The following DDR1 variants were observed in gnomAD, a reference collection of about 807,000 sequenced individuals.
DDR1 encodes the protein epithelial discoidin domain-containing receptor 1.
DDR1 carries 64 observed loss-of-function variants against 97.4 expected under a neutral mutation model. That is an observed-to-expected ratio of 0.66 (90% confidence interval 0.54 to 0.81). DDR1 has a LOEUF of 0.81. Ranked by LOEUF, DDR1 falls within the 30% of genes least tolerant of loss-of-function variation. The probability of loss-of-function intolerance (pLI) is 0.00; values close to 1 mark genes in which losing one functional copy is unlikely to be tolerated. For missense variants in DDR1, 990 were observed against 1,259.6 expected, an observed-to-expected ratio of 0.79 and a Z score of 3.24; for synonymous variants, 458 against 503.7, an observed-to-expected ratio of 0.91 and a Z score of 1.21.
intron 12 of DDR1, among the ~76,000 whole-genome samples, chr6:30,895,780 C>G (rs1388163103): frequency 1.3e-5 from 2 of 152,192 alleles, no homozygotes; most frequent in African/African-American, 4.8e-5. Flanking sequence ...CTTCAGCTCT[C>G]CAGAGCTAGA....
At position 30,895,104 on chromosome 6, in the gene DDR1, C is replaced by T. The variant is rs547502188; in HGVS notation, c.1514-300C>T. 3.9e-5 allele frequency among the ~76,000 whole-genome samples: 6 copies of T among 152,246 alleles called. No individual in the cohort carries two copies. The East Asian group carries it at 1.2e-3, about 29-fold the overall frequency. On this transcript the variant is annotated intron_variant, in intron 11 of 17. Coordinates refer to ENST00000376568, the MANE Select transcript of DDR1 (RefSeq NM_001297654.2). ...ATAAATCTATTCATCCATCCATCCA[C>T]CCACCCATATCCATCATCCATCTAT... is the stretch of plus-strand genomic sequence containing the variant.
rs1254300981 is a variant in DDR1 at position 30,884,947 on chromosome 6, G to A, written c.-43+237G>A. The A allele has an allele frequency of 4.5e-6, 2 of 449,282 alleles. No individual in the cohort carries two copies. Among genetic ancestry groups the A allele is most frequent in the South Asian group, 5.9e-5 (1 of 16,934 alleles). 27.8% of individuals were successfully genotyped at this position (449,282 alleles called of 1,614,324 possible). ...CGTGACCTCCCAGAAAGAGTTTTGA[G>A]CCTCCAGCCTTGAGGCAAGTCCCCT... On this transcript the variant is annotated intron_variant, in intron 1 of 17. Transcript: ENST00000376568. This position sits in a 1 kb window ranked among gnomAD's most constrained non-coding sequence, Gnocchi z 6.1.
Position 30,891,057 on chromosome 6 carries a change from C to T in DDR1, c.502C>T (p.Pro168Ser), listed in dbSNP as rs1011484740. ...PMVARLVRFY[P>S]RADRVMSVCL... ...GGTTGCCCGACTGGTTCGCTTCTACCCCCGGGCTGACCGGGTCATGAGCGT... is the reference window on the plus strand; with the variant it reads ...GGTTGCCCGACTGGTTCGCTTCTACTCCCGGGCTGACCGGGTCATGAGCGT... Residue 168 changes from proline to serine, a missense_variant, in exon 5 of 18, where the codon CCC becomes TCC. Pro to Ser is a moderately conservative substitution (Grantham distance 74, BLOSUM62 -1). Coordinates refer to ENST00000376568, the MANE Select transcript of DDR1 (RefSeq NM_001297654.2). This position sits in a 1 kb window ranked among gnomAD's most constrained non-coding sequence, Gnocchi z 5.3. 4.3e-6 allele frequency: 7 copies of T among 1,612,962 alleles called. No homozygotes were observed. The highest frequency in any genetic ancestry group is 5.1e-6 in the Non-Finnish European group (6 of 1,180,040).
In DDR1 at chr6:30,891,408, G is replaced by C; in HGVS notation, c.594G>C (p.Val198=). 1 of 1,612,980 alleles carries C rather than the reference G, an allele frequency of 6.2e-7. No individual in the cohort carries two copies. The change falls in exon 6 of 18, where the codon GTG becomes GTC. Residue 198 remains valine (V), a synonymous_variant. Coordinates refer to ENST00000376568, the MANE Select transcript of DDR1 (RefSeq NM_001297654.2). This position sits in a 1 kb window ranked among gnomAD's most constrained non-coding sequence, Gnocchi z 5.3. Reference sequence around the variant, plus strand: ...GACTCCTGTCTTACACCGCCCCTGTGGGGCAGACAATGTATTTATCTGAGG... The same window carrying C: ...GACTCCTGTCTTACACCGCCCCTGTCGGGCAGACAATGTATTTATCTGAGG... The part of the protein sequence containing the change: ...RDGLLSYTAP[V]GQTMYLSEAV...
upstream of DDR1, chr6:30,884,015 TCCTC>T (rs1158799193): frequency 1.3e-5 from 2 of 153,088 alleles, no homozygotes; most frequent in Non-Finnish European, 2.9e-5. This position sits in a 1 kb window ranked among gnomAD's most constrained non-coding sequence, Gnocchi z 6.1. Context: ...ACCTGCTTCT[TCCTC>T]TGTGCCCTGG....
rs1786019312 is a variant in DDR1 at position 30,886,788 on chromosome 6, C to T, written c.-42-1900C>T. Reference sequence around the variant, plus strand: ...GAGGTGGCAGTCGAGTCCCTCAGGACTCCAGGGCCTGGAGACTTCAGTACA... The same window carrying T: ...GAGGTGGCAGTCGAGTCCCTCAGGATTCCAGGGCCTGGAGACTTCAGTACA... On this transcript the variant is annotated intron_variant, in intron 1 of 17. Coordinates refer to ENST00000376568, the MANE Select transcript of DDR1 (RefSeq NM_001297654.2). This position sits in a 1 kb window ranked among gnomAD's most constrained non-coding sequence, Gnocchi z 4.6. 6.6e-6 allele frequency: 1 copy of T among 152,244 alleles called. No individual in the cohort carries two copies. Among genetic ancestry groups the T allele is most frequent in the African/African-American group, 2.4e-5 (1 of 41,460 alleles). The allele number at this position is 152,244 out of a possible 1,614,324, so 9.4% of individuals were successfully genotyped here. A position where few individuals can be genotyped will look rare whatever the true frequency, so the allele number is the denominator to read the frequency against.
Position 30,894,467 on chromosome 6 carries a change from C to T in DDR1, c.1348-39C>T, listed in dbSNP as rs1273332308. The T allele has an allele frequency of 6.4e-7, 1 of 1,566,052 alleles. No homozygotes were observed. Among genetic ancestry groups the T allele is most frequent in the Non-Finnish European group, 8.7e-7 (1 of 1,152,858 alleles). On this transcript the variant is annotated intron_variant, in intron 10 of 17. Transcript: ENST00000376568. This position sits in a 1 kb window ranked among gnomAD's most constrained non-coding sequence, Gnocchi z 5.7. ...ACAGCAGAGGGCCAGGCCGTGTGTG[C>T]TGAGCAACACGGGTGATGCCTCCCA...
Position 30,886,465 on chromosome 6 carries a change from C to T in DDR1, c.-43+1755C>T, listed in dbSNP as rs912456713. Among the ~76,000 whole-genome samples, 1 of 152,226 alleles carries T rather than the reference C, an allele frequency of 6.6e-6. No individual in the cohort carries two copies. The highest frequency in any genetic ancestry group is 1.5e-5 in the Non-Finnish European group (1 of 68,036). ...CCCCCCACAACTCAGTCGTCCCCCTCAGCTGCTGCTTCAGAGCTCTGGGGT... is the reference window on the plus strand; with the variant it reads ...CCCCCCACAACTCAGTCGTCCCCCTTAGCTGCTGCTTCAGAGCTCTGGGGT... On this transcript the variant is annotated intron_variant, in intron 1 of 17. Transcript: ENST00000376568. This position sits in a 1 kb window ranked among gnomAD's most constrained non-coding sequence, Gnocchi z 4.6.
intron 7 of DDR1, 49 bp downstream of exon 7, chr6:30,892,237 C>T (rs962120521): frequency 1.9e-6 from 3 of 1,606,278 alleles, no homozygotes; most frequent in African/African-American, 1.3e-5. Flanking sequence ...TGCAGGGTGC[C>T]GTTGGGGTGC....
Position 30,889,282 on chromosome 6 carries a change from A to C in DDR1, c.269A>C (p.Asp90Ala). 6.2e-7 allele frequency: 1 copy of C among 1,612,928 alleles called. No individual in the cohort carries two copies. ...FPKEEEYLQV[D>A]LQRLHLVALV... is the part of the protein sequence containing the mutation. The stretch of plus-strand genomic sequence containing the variant: ...AAGGAGGAGGAGTACTTGCAGGTGG[A>C]TCTACAACGACTGCACCTGGTGGCT... The change falls in exon 4 of 18, where the codon GAT becomes GCT. Residue 90 changes from aspartate (D) to alanine (A), a missense_variant. By Grantham distance (126) the Asp-to-Ala change is moderately radical (BLOSUM62 -2). Transcript: ENST00000376568. The surrounding 1 kb of genome is among the most constrained non-coding windows in gnomAD (Gnocchi z 4.9).
In DDR1 at chr6:30,897,284, C is replaced by T. The variant is rs1791224169; in HGVS notation, c.1998-95C>T. The T allele has an allele frequency of 9.6e-7, 1 of 1,038,148 alleles. No individual in the cohort carries two copies. The highest frequency in any genetic ancestry group is 2.8e-5 in the African/African-American group (1 of 35,494). 64.3% of individuals were successfully genotyped at this position (1,038,148 alleles called of 1,614,324 possible). A position where few individuals can be genotyped will look rare whatever the true frequency, so the allele number is the denominator to read the frequency against. The stretch of plus-strand genomic sequence containing the variant: ...ACATGTACGCTGGGGGTGGGGACGC[C>T]TGGTCTGCCTGAGGTGGGGCAGGGG... On this transcript the variant is annotated intron_variant, in intron 14 of 17. Transcript: ENST00000376568. The surrounding 1 kb of genome is among the most constrained non-coding windows in gnomAD (Gnocchi z 5.2).
At chr6:30,896,506 GTC>G (rs1790810808) in intron 12 of DDR1, 113 bp from the exon 13 acceptor site, 2 of 1,334,848 alleles carry the variant, frequency 1.5e-6, no homozygotes, top group African/African-American at 2.9e-5. Flanking sequence ...CATAGACCCA[GTC>G]TCTCACTCAA....
At position 30,896,688 on chromosome 6, in the gene DDR1, C is replaced by T. The variant is rs974511242; in HGVS notation, c.1692C>T (p.Asn564=). ...CGCTTCTGCCCCCACCTCCCCAGAA[C>T]AGCGTCCCCCATTATGCCGAGGCTG... ...GAPLLPPPPQ[N]SVPHYAEADI... is the part of the protein sequence containing the mutation. Residue 564 remains asparagine (N), a synonymous_variant, in exon 13 of 18, where the codon AAC becomes AAT. Transcript: ENST00000376568. 4 of 1,611,390 alleles carry T rather than the reference C, an allele frequency of 2.5e-6. No homozygotes were observed. In the African/African-American group the frequency reaches 4.0e-5, roughly 16 times the overall value.
chr6:30,898,530 A>T (rs1375947418), intron 16 of DDR1, among the ~76,000 whole-genome samples: 6 of 152,200 alleles, frequency 3.9e-5, no homozygotes, highest in Non-Finnish European at 5.9e-5. Context: ...GGGGATGGAG[A>T]CAGGGTGGCA....
At position 30,900,103 on chromosome 6, in the gene DDR1, C is replaced by A. The variant is rs1792401953; in HGVS notation, c.*807C>A. On this transcript the variant is annotated 3_prime_UTR_variant, in exon 18 of 18. Coordinates refer to ENST00000376568, the MANE Select transcript of DDR1 (RefSeq NM_001297654.2). ...ACTAATATATGGACCTAGCTTGAGGCAATTTTAATCCCCTGCACTAGGCAG... is the reference window on the plus strand; with the variant it reads ...ACTAATATATGGACCTAGCTTGAGGAAATTTTAATCCCCTGCACTAGGCAG... 1.7e-6 allele frequency: 1 copy of A among 595,512 alleles called. No individual in the cohort carries two copies. Among genetic ancestry groups the A allele is most frequent in the Admixed American group, 1.9e-5 (1 of 53,862 alleles). 36.9% of individuals were successfully genotyped at this position (595,512 alleles called of 1,614,324 possible).
rs1255372455 is a variant in DDR1, at chr6:30,895,529, C to T, written c.1624+15C>T. On this transcript the variant is annotated intron_variant, in intron 12 of 17. Transcript: ENST00000376568. ...CAACACCCAGGGTAAGCCCCTCTGCCCCTGGGCTCCGCCAGGCTCCCCATA... is the reference window on the plus strand; with the variant it reads ...CAACACCCAGGGTAAGCCCCTCTGCTCCTGGGCTCCGCCAGGCTCCCCATA... The T allele has an allele frequency of 3.3e-6, 5 of 1,535,192 alleles. No homozygotes were observed. The highest frequency in any genetic ancestry group is 1.4e-5 in the African/African-American group (1 of 73,462).
chr6:30,887,799 T>C (rs757451519), intron 1 of DDR1, among the ~76,000 whole-genome samples: 1 of 152,192 alleles, frequency 6.6e-6, no homozygotes, highest in Non-Finnish European at 1.5e-5. Context: ...GGGGTCTCAC[T>C]ATGTTCACCA....
intron 16 of DDR1, 56 bp downstream of exon 16, chr6:30,898,363 G>A (rs1562412144): frequency 7.2e-6 from 9 of 1,247,168 alleles, no homozygotes; most frequent in South Asian, 1.3e-5. Context: ...AACACTGGCC[G>A]CCACTCACAG....
rs1312731965 is a variant in DDR1 at position 30,886,416 on chromosome 6, CCTT to C, written c.-43+1709_-43+1711del. On this transcript the variant is annotated intron_variant, in intron 1 of 17. Coordinates refer to ENST00000376568, the MANE Select transcript of DDR1 (RefSeq NM_001297654.2). This position sits in a 1 kb window ranked among gnomAD's most constrained non-coding sequence, Gnocchi z 4.6. ...GGACCCTAAGGGACCAGGCGTGATG[CCTT>C]CTGGTTCTAGCCTCTGAGTGCCCCC... 6.6e-6 allele frequency among the ~76,000 whole-genome samples: 1 copy of C among 152,158 alleles called. No homozygotes were observed. The highest frequency in any genetic ancestry group is 2.4e-5 in the African/African-American group (1 of 41,424).
Sources: gnomAD v4.1 joint callset for allele counts (sites outside exome capture counted in the v4.1 genomes callset) on GRCh38, gnomAD v4.1.1 for gene constraint, Gnocchi (gnomAD v3.1) non-coding constraint, MANE v1.5 for transcripts, NCBI Gene and HGNC (gene_info 2026-07-23, HGNC 2026-07-21) for gene names.